The following WWOX variants were observed in gnomAD, a reference collection of about 807,000 sequenced individuals.
WWOX encodes WW domain containing oxidoreductase.
A neutral mutation model predicts 46.2 loss-of-function variants in WWOX; 69 were observed. The observed-to-expected ratio is 1.49, with a 90% CI of 1.23 to 1.82. The LOEUF is 1.82. Ranked by LOEUF, WWOX falls within the 40% of genes most tolerant of loss-of-function variation. WWOX has a pLI of 0.00. For synonymous variants in WWOX, 359 were observed against 202.6 expected (o/e 1.77, Z -6.56); for missense variants, 919 against 542.6 (o/e 1.69, Z -6.89).
intron 8 of WWOX, among the ~76,000 whole-genome samples, chr16:79,161,142 A>T (rs559348236): frequency 5.9e-5 from 9 of 152,210 alleles, no homozygotes; most frequent in Non-Finnish European, 1.3e-4. Flanking sequence ...AGATAAGGCA[A>T]TTCTGGACTC....
chr16:78,957,879 G>A (rs1038162639), intron 8 of WWOX, among the ~76,000 whole-genome samples: 3 of 152,142 alleles, frequency 2.0e-5, no homozygotes, highest in Non-Finnish European at 4.4e-5. Context: ...TGGGCGTGGG[G>A]GGACACATGA....
chr16:78,915,204 C>G (rs1387349598), intron 8 of WWOX, among the ~76,000 whole-genome samples: 2 of 152,140 alleles, frequency 1.3e-5, no homozygotes, highest in East Asian at 1.9e-4. Flanking sequence ...CACCCCAAAT[C>G]AGATCATGAT....
At chr16:78,296,822 G>A (rs1361253552) in intron 5 of WWOX, among the ~76,000 whole-genome samples, 15 of 152,168 alleles carry the variant, frequency 9.9e-5, no homozygotes, top group Admixed American at 9.8e-4. Flanking sequence ...ACCTAAAGGA[G>A]TTTTGAGAGC....
At chr16:78,779,651 G>T (rs1418114802) in intron 8 of WWOX, among the ~76,000 whole-genome samples, 8 of 152,122 alleles carry the variant, frequency 5.3e-5, no homozygotes, top group Admixed American at 1.3e-4. Flanking sequence ...GTAGCAGAGG[G>T]CCCCAGTTCA....
At chr16:78,455,773 G>C (rs2083802751) in intron 8 of WWOX, among the ~76,000 whole-genome samples, 1 of 145,448 alleles carries the variant, frequency 6.9e-6, no homozygotes, top group African/African-American at 2.7e-5. Flanking sequence ...TTGTAATGAT[G>C]CCTGGGGGAG....
At chr16:79,148,501 C>T (rs1002985324) in intron 8 of WWOX, among the ~76,000 whole-genome samples, 2 of 152,078 alleles carry the variant, frequency 1.3e-5, no homozygotes, top group Non-Finnish European at 2.9e-5. Context: ...TAGAGTGATT[C>T]TTCTCACTGT....
intron 8 of WWOX, among the ~76,000 whole-genome samples, chr16:78,476,126 G>C (rs1428595273): frequency 6.6e-6 from 1 of 152,176 alleles, no homozygotes; most frequent in Non-Finnish European, 1.5e-5. Flanking sequence ...AATCTTGCCT[G>C]TGATACAGGT....
At chr16:78,939,081 A>T (rs2045799977) in intron 8 of WWOX, among the ~76,000 whole-genome samples, 1 of 152,202 alleles carries the variant, frequency 6.6e-6, no homozygotes, top group Non-Finnish European at 1.5e-5. Flanking sequence ...TAGCCACAGG[A>T]GGGCTTTAGA....
At chr16:78,457,251 G>A (rs1336305862) in intron 8 of WWOX, among the ~76,000 whole-genome samples, 1 of 152,110 alleles carries the variant, frequency 6.6e-6, no homozygotes, top group Non-Finnish European at 1.5e-5. Context: ...ATTATCCAGA[G>A]GTAGCAAAAG....
intron 6 of WWOX, among the ~76,000 whole-genome samples, chr16:78,419,814 GTGTT>G (rs1427789809): frequency 2.6e-5 from 4 of 152,064 alleles, no homozygotes; most frequent in East Asian, 1.9e-4. Context: ...AGAATGAAAA[GTGTT>G]TGTGCTGCAA....
intron 8 of WWOX, among the ~76,000 whole-genome samples, chr16:78,752,872 A>T (rs896022894): frequency 6.6e-6 from 1 of 152,220 alleles, no homozygotes; most frequent in Non-Finnish European, 1.5e-5. Flanking sequence ...TTCCTGATCT[A>T]AATCTGTCCT....
chr16:78,712,264 G>T (rs1254334093), intron 8 of WWOX, among the ~76,000 whole-genome samples: 3 of 152,100 alleles, frequency 2.0e-5, no homozygotes, highest in Non-Finnish European at 4.4e-5. Context: ...AGCACTTTGG[G>T]AGGCCGAGGT....
intron 8 of WWOX, among the ~76,000 whole-genome samples, chr16:79,068,115 C>G (rs536983871): frequency 4.3e-4 from 65 of 152,250 alleles, no homozygotes; most frequent in African/African-American, 1.3e-3. Context: ...GATCCCTAAC[C>G]CATTGTGGAC....
chr16:78,833,502 T>C (rs2051890048), intron 8 of WWOX, among the ~76,000 whole-genome samples: 1 of 152,102 alleles, frequency 6.6e-6, no homozygotes, highest in Non-Finnish European at 1.5e-5. Flanking sequence ...GTTCAGAAAA[T>C]TGGGTTACAA....
At chr16:79,027,864 C>T (rs192618141) in intron 8 of WWOX, among the ~76,000 whole-genome samples, 1 of 151,770 alleles carries the variant, frequency 6.6e-6, no homozygotes, top group South Asian at 2.1e-4. Flanking sequence ...AGAAACAGCA[C>T]GTGTCTTAGG....
At chr16:79,100,480 C>G (rs2049169572) in intron 8 of WWOX, among the ~76,000 whole-genome samples, 1 of 152,106 alleles carries the variant, frequency 6.6e-6, no homozygotes, top group Non-Finnish European at 1.5e-5. Flanking sequence ...ATCTTACAGG[C>G]TTGTGTTGGC....
chr16:78,501,922 G>T lies in WWOX; in HGVS notation c.1056+69170G>T, dbSNP rs144281688. Among the ~76,000 whole-genome samples, 39 of 152,242 alleles carry T rather than the reference G, an allele frequency of 2.6e-4. No homozygotes were observed. In the Middle Eastern group the frequency reaches 0.01, roughly 40 times the overall value. On this transcript the variant is annotated intron_variant, in intron 8 of 8. Transcript: ENST00000566780. Reference sequence around the variant, plus strand: ...GCAATGAAAGGTGAAAACCACTGTGGTCCCACCTGCCCATCGTCAGATTTC... The same window carrying T: ...GCAATGAAAGGTGAAAACCACTGTGTTCCCACCTGCCCATCGTCAGATTTC...
intron 6 of WWOX, among the ~76,000 whole-genome samples, chr16:78,422,690 C>G (rs796890668): frequency 4.8e-5 from 1 of 20,710 alleles, no homozygotes; most frequent in East Asian, 6.3e-4. Flanking sequence ...TATATACACA[C>G]ACACACACAC....
Position 78,870,335 on chromosome 16 carries a change from T to C in WWOX, c.1057-341273T>C, listed in dbSNP as rs118135386. ...TTTTCATTCTAAGAATCATAAGTTT[T>C]TCAAACTTTAGAATCACAAGGTCCA... On this transcript the variant is annotated intron_variant, in intron 8 of 8. Transcript: ENST00000566780. 2.8e-4 allele frequency among the ~76,000 whole-genome samples: 42 copies of C among 152,288 alleles called. No homozygotes were observed. In the East Asian group the frequency reaches 7.6e-3, roughly 27 times the overall value.
Sources: allele counts gnomAD v4.1 joint callset (sites outside exome capture counted in the v4.1 genomes callset), GRCh38; gene constraint gnomAD v4.1.1; transcripts MANE v1.5; gene names NCBI Gene and HGNC (gene_info 2026-07-23, HGNC 2026-07-21).